The following SAMD5 variants were observed in gnomAD, a reference collection of about 807,000 sequenced individuals.
SAMD5 encodes the protein sterile alpha motif domain-containing protein 5.
In SAMD5, 13 loss-of-function variants were observed where a neutral mutation model predicts 11.3. The observed-to-expected ratio is 1.15, with a 90% CI of 0.75 to 1.83. SAMD5 has a LOEUF of 1.83. Among genes scored for constraint, SAMD5 ranks in the 40% most tolerant of loss-of-function variants. The pLI, the probability that SAMD5 is intolerant of heterozygous loss-of-function variation, is 0.00. For synonymous variants in SAMD5, 129 were observed against 111.3 expected, an observed-to-expected ratio of 1.16 and a Z score of -1.00; for missense variants, 255 against 239.1, an observed-to-expected ratio of 1.07 and a Z score of -0.44.
chr6:147,763,792 C>G, the SAMD5 span, among the ~76,000 whole-genome samples: 1 of 151,984 alleles, frequency 6.6e-6, no homozygotes, highest in Non-Finnish European at 1.5e-5. Context: ...CCGTGTTAGC[C>G]AGGATGGTCT....
rs78072507 is a variant in SAMD5 at position 147,698,773 on chromosome 6, A to C, written c.163-38544A>C. The stretch of plus-strand genomic sequence containing the variant: ...GCAATCGACTGGTAAACAAATAAAC[A>C]AGACTGTTGAGAATTGTGATATCAT... On this transcript the variant is annotated intron_variant, in intron 1 of 1. Transcript: ENST00000566741. 4.9e-3 allele frequency among the ~76,000 whole-genome samples: 745 copies of C among 152,334 alleles called. 4 individuals carry two copies. Among genetic ancestry groups the C allele is most frequent in the Non-Finnish European group, 5.8e-3 (393 of 68,038 alleles).
At chr6:147,737,504 T>A in exon 2 of SAMD5, 1 of 314,104 alleles carries the variant, frequency 3.2e-6, no homozygotes, top group Non-Finnish European at 6.5e-6. Context: ...GTTTGTATGA[T>A]GGCACATCCA....
chr6:147,594,480 C>T (rs1386668040), intron 1 of SAMD5, among the ~76,000 whole-genome samples: 4 of 151,982 alleles, frequency 2.6e-5, no homozygotes, highest in East Asian at 1.9e-4. Context: ...TAATTGAGAC[C>T]GAGTTTGTTC....
At chr6:147,846,316 G>C in the SAMD5 span, among the ~76,000 whole-genome samples, 1 of 152,112 alleles carries the variant, frequency 6.6e-6, no homozygotes, top group Non-Finnish European at 1.5e-5. Flanking sequence ...ATGACACAAA[G>C]CCATGTATTT....
At chr6:147,941,983 C>G in the SAMD5 span, among the ~76,000 whole-genome samples, 10 of 152,184 alleles carry the variant, frequency 6.6e-5, no homozygotes, top group Admixed American at 3.3e-4. Flanking sequence ...AAGCGATTCT[C>G]CTGCCTCAGC....
downstream of SAMD5, among the ~76,000 whole-genome samples, chr6:147,739,992 G>A (rs972939174): frequency 3.3e-5 from 5 of 151,564 alleles, no homozygotes; most frequent in East Asian, 5.8e-4. Flanking sequence ...GCCAATTTTT[G>A]TATTTTTAGT....
chr6:147,541,025 C>T (rs1322637793), intron 1 of SAMD5, among the ~76,000 whole-genome samples: 1 of 145,262 alleles, frequency 6.9e-6, no homozygotes, highest in Admixed American at 7.1e-5. Flanking sequence ...TCTCAGCGCA[C>T]TGCAACCTCC....
At chr6:147,917,918 G>A in the SAMD5 span, among the ~76,000 whole-genome samples, 286 of 152,136 alleles carry the variant, frequency 1.9e-3, 3 homozygotes, top group East Asian at 0.011. Flanking sequence ...TTGGTCTATC[G>A]CTCTGTTTGG....
At chr6:147,807,997 C>T in the SAMD5 span, among the ~76,000 whole-genome samples, 1 of 152,084 alleles carries the variant, frequency 6.6e-6, no homozygotes, top group South Asian at 2.1e-4. Context: ...AAATCTGATC[C>T]TCATTTCCTC....
chr6:147,602,671 G>A (rs1226816497), intron 1 of SAMD5, among the ~76,000 whole-genome samples: 1 of 152,152 alleles, frequency 6.6e-6, no homozygotes, highest in Non-Finnish European at 1.5e-5. Flanking sequence ...TTGAACCTGG[G>A]AGGCGGAGGT....
intron 1 of SAMD5, among the ~76,000 whole-genome samples, chr6:147,548,007 G>A (rs1266240420): frequency 6.6e-6 from 1 of 152,140 alleles, no homozygotes. Context: ...TACTTAAAGA[G>A]CAACTTAATT....
chr6:147,549,162 A>G (rs1337509505), intron 1 of SAMD5, among the ~76,000 whole-genome samples: 1 of 152,242 alleles, frequency 6.6e-6, no homozygotes, highest in Non-Finnish European at 1.5e-5. Context: ...TTGTTACTGA[A>G]GCAGAACTGG....
the SAMD5 span, among the ~76,000 whole-genome samples, chr6:147,906,951 T>G: frequency 6.6e-6 from 1 of 152,196 alleles, no homozygotes; most frequent in African/African-American, 2.4e-5. Flanking sequence ...AAAGGTATTT[T>G]CTTGTAATAG....
the SAMD5 span, among the ~76,000 whole-genome samples, chr6:147,842,077 T>C: frequency 2.0e-5 from 3 of 152,180 alleles, no homozygotes; most frequent in African/African-American, 2.4e-5. Flanking sequence ...TAGATTAATT[T>C]ACATGTAATA....
intron 1 of SAMD5, among the ~76,000 whole-genome samples, chr6:147,544,160 C>G (rs1411237096): frequency 1.3e-5 from 2 of 152,076 alleles, no homozygotes; most frequent in Non-Finnish European, 2.9e-5. Flanking sequence ...TTTTAGTGAG[C>G]TGACTTGCAT....
chr6:147,939,922 G>A, the SAMD5 span, among the ~76,000 whole-genome samples: 1 of 152,166 alleles, frequency 6.6e-6, no homozygotes, highest in South Asian at 2.1e-4. Flanking sequence ...TGATGTTATG[G>A]GATCATCTGG....
In SAMD5 at chr6:147,568,314, G is replaced by A. The variant is rs193089638; in HGVS notation, c.*3858G>A. 892 of 985,266 alleles carry A rather than the reference G, an allele frequency of 9.1e-4. 15 individuals are homozygous for A. The South Asian group carries it at 0.034, about 38-fold the overall frequency. The allele number at this position is 985,266 out of a possible 1,614,324, so 61.0% of individuals were successfully genotyped here. On this transcript the variant is annotated 3_prime_UTR_variant, in exon 2 of 2. Transcript: ENST00000367474. ...GAATTTTTCCCTTATAAGAGCCTGA[G>A]TATTGTAACAGGTCTCTTGCACAGG...
intron 1 of SAMD5, among the ~76,000 whole-genome samples, chr6:147,542,305 C>T (rs1397787355): frequency 6.6e-6 from 1 of 152,150 alleles, no homozygotes; most frequent in Non-Finnish European, 1.5e-5. Flanking sequence ...CAGGTAGCCA[C>T]AAGGACAATC....
intron 1 of SAMD5, among the ~76,000 whole-genome samples, chr6:147,601,197 G>A (rs559782010): frequency 2.0e-5 from 3 of 152,292 alleles, no homozygotes; most frequent in South Asian, 4.1e-4. Context: ...TCAGTGTGGT[G>A]TAGCCAGCAA....
Sources: gnomAD v4.1 joint callset for allele counts (sites outside exome capture counted in the v4.1 genomes callset) on GRCh38, gnomAD v4.1.1 for gene constraint, MANE v1.5 for transcripts, NCBI Gene and HGNC (gene_info 2026-07-23, HGNC 2026-07-21) for gene names.